OLFM3: variants seen among roughly 807,000 people sequenced by gnomAD.
OLFM3 encodes noelin-3.
In OLFM3, 20 loss-of-function variants were observed where a neutral mutation model predicts 48.6. The ratio of observed to expected loss-of-function variants is 0.41; its 90% CI spans 0.29 to 0.60. The LOEUF (loss-of-function observed/expected upper bound fraction) is 0.60. OLFM3 is among the 20% of genes least tolerant of loss of function. The pLI is 0.28. For missense variants in OLFM3, 437 were observed against 544.3 expected, an observed-to-expected ratio of 0.80 and a Z score of 1.96; for synonymous variants, 222 against 198.1, an observed-to-expected ratio of 1.12 and a Z score of -1.01.
chr1:101,804,106 C>A lies in OLFM3; in HGVS notation c.*132G>T. ...CAAGCTCAGCTATGTTTTTGAAACA[C>A]CAACTTTACAATAAAAATGCTTTGC... On this transcript the variant is annotated 3_prime_UTR_variant, in exon 6 of 6. Coordinates refer to ENST00000370103, the MANE Select transcript of OLFM3 (RefSeq NM_058170.4). The surrounding 1 kb of genome is among the most constrained non-coding windows in gnomAD (Gnocchi z 4.5). 1 of 704,500 alleles carries A rather than the reference C, an allele frequency of 1.4e-6. No homozygotes were observed. The highest frequency in any genetic ancestry group is 2.2e-6 in the Non-Finnish European group (1 of 456,364). 43.6% of individuals were successfully genotyped at this position (704,500 alleles called of 1,614,324 possible). A position where few individuals can be genotyped will look rare whatever the true frequency, so the allele number is the denominator to read the frequency against.
intron 4 of OLFM3, among the ~76,000 whole-genome samples, chr1:101,822,077 G>T (rs113428954): frequency 6.6e-6 from 1 of 152,168 alleles, no homozygotes; most frequent in South Asian, 2.1e-4. Flanking sequence ...GGATGAATGC[G>T]TGCCTACTTA....
intron 1 of OLFM3, among the ~76,000 whole-genome samples, chr1:101,938,015 A>G (rs1659674865): frequency 6.6e-6 from 1 of 152,184 alleles, no homozygotes; most frequent in South Asian, 2.1e-4. Flanking sequence ...GGCATTTAGC[A>G]ATGGCTCAAT....
intron 1 of OLFM3, among the ~76,000 whole-genome samples, chr1:101,903,660 C>T (rs1277180661): frequency 2.6e-5 from 4 of 151,564 alleles, no homozygotes; most frequent in African/African-American, 7.3e-5. Flanking sequence ...TTTACAGATT[C>T]TGCTAAAATC....
intron 4 of OLFM3, among the ~76,000 whole-genome samples, chr1:101,808,105 G>A (rs964322136): frequency 5.4e-5 from 8 of 147,228 alleles, no homozygotes; most frequent in Non-Finnish European, 1.2e-4. Context: ...AAATAGAAGG[G>A]CCTCTCTTTT....
At position 101,944,041 on chromosome 1, in the gene OLFM3, A is replaced by G. The variant is rs188244197; in HGVS notation, c.69+52707T>C. ...ATATATATCCATATCTAGGTTGTAT[A>G]TATTTTTATATATATATATAGTGGG... On this transcript the variant is annotated intron_variant, in intron 1 of 5. Coordinates refer to ENST00000370103, the MANE Select transcript of OLFM3 (RefSeq NM_058170.4). Among the ~76,000 whole-genome samples, 699 of 123,116 alleles carry G rather than the reference A, an allele frequency of 5.7e-3. 9 individuals carry two copies. Among genetic ancestry groups the G allele is most frequent in the African/African-American group, 0.02 (664 of 32,730 alleles). 80.8% of individuals were successfully genotyped at this position (123,116 alleles called of 152,430 possible).
chr1:101,856,342 G>A (rs1259127913), intron 1 of OLFM3, among the ~76,000 whole-genome samples: 1 of 151,920 alleles, frequency 6.6e-6, no homozygotes, highest in African/African-American at 2.4e-5. Context: ...CCACCACATA[G>A]ATGAAGCCAT....
chr1:101,847,120 C>G, intron 1 of OLFM3: 9 of 1,282,342 alleles, frequency 7.0e-6, no homozygotes, highest in Non-Finnish European at 8.0e-6. Context: ...AGCTTCGGAA[C>G]CTCCTTCCCC....
intron 4 of OLFM3, among the ~76,000 whole-genome samples, chr1:101,815,411 C>T (rs892519565): frequency 2.7e-5 from 4 of 148,810 alleles, no homozygotes; most frequent in Non-Finnish European, 4.4e-5. Flanking sequence ...CGCGCCACTG[C>T]ATTCCAGCCT....
intron 1 of OLFM3, among the ~76,000 whole-genome samples, chr1:101,854,252 A>G (rs200657342): frequency 2.6e-5 from 4 of 151,902 alleles, no homozygotes; most frequent in Admixed American, 1.3e-4. Context: ...CCAATTAGGG[A>G]CCATTTGTAG....
intron 1 of OLFM3, chr1:101,893,328 C>T (rs1658076153): frequency 5.3e-6 from 2 of 379,358 alleles, no homozygotes; most frequent in South Asian, 2.5e-5. Context: ...CAGATAGAAC[C>T]CGGAATAGCT....
intron 1 of OLFM3, among the ~76,000 whole-genome samples, chr1:101,957,796 C>A (rs1225671173): frequency 1.3e-5 from 2 of 151,966 alleles, no homozygotes; most frequent in African/African-American, 4.8e-5. Context: ...CAATTCCAAG[C>A]ATCAGATATC....
intron 1 of OLFM3, among the ~76,000 whole-genome samples, chr1:101,982,415 A>G (rs561333988): frequency 2.5e-4 from 38 of 152,360 alleles, no homozygotes; most frequent in African/African-American, 8.9e-4. Context: ...AGATAGGAAT[A>G]TAAAGATAGA....
chr1:101,866,522 T>C (rs1432277638), intron 1 of OLFM3, among the ~76,000 whole-genome samples: 1 of 152,094 alleles, frequency 6.6e-6, no homozygotes, highest in Non-Finnish European at 1.5e-5. Flanking sequence ...TTGTTAAATG[T>C]CAAGGTATAT....
At chr1:101,851,167 C>T (rs1656207988) in intron 1 of OLFM3, among the ~76,000 whole-genome samples, 1 of 152,076 alleles carries the variant, frequency 6.6e-6, no homozygotes, top group Non-Finnish European at 1.5e-5. Context: ...TGACCAGGTA[C>T]ATAAACCGCT....
At chr1:101,939,153 C>A (rs913187385) in intron 1 of OLFM3, among the ~76,000 whole-genome samples, 2 of 152,132 alleles carry the variant, frequency 1.3e-5, no homozygotes, top group African/African-American at 4.8e-5. Flanking sequence ...GTGCTACAGA[C>A]AGGTGAAGAG....
chr1:101,990,007 A>T (rs889318895), intron 1 of OLFM3, among the ~76,000 whole-genome samples: 2 of 152,200 alleles, frequency 1.3e-5, no homozygotes, highest in African/African-American at 4.8e-5. Flanking sequence ...TGGCCATAAA[A>T]AACAGTTTTA....
intron 1 of OLFM3, among the ~76,000 whole-genome samples, chr1:101,856,379 G>A (rs532039770): frequency 2.5e-4 from 38 of 151,942 alleles, no homozygotes; most frequent in African/African-American, 8.0e-4. Context: ...ATTAAATTGC[G>A]CTTTTTGGCT....
intron 1 of OLFM3, among the ~76,000 whole-genome samples, chr1:101,977,179 A>G (rs1198030964): frequency 6.6e-6 from 1 of 152,194 alleles, no homozygotes; most frequent in African/African-American, 2.4e-5. Flanking sequence ...GTAATTAAAT[A>G]AAATGAATTT....
intron 1 of OLFM3, among the ~76,000 whole-genome samples, chr1:101,974,809 G>T (rs1660905389): frequency 6.6e-6 from 1 of 152,050 alleles, no homozygotes; most frequent in African/African-American, 2.4e-5. Flanking sequence ...TACAGTATAA[G>T]CCCCATGTAG....
Sources: allele counts gnomAD v4.1 joint callset (sites outside exome capture counted in the v4.1 genomes callset), GRCh38; gene constraint gnomAD v4.1.1; non-coding constraint Gnocchi (gnomAD v3.1); transcripts MANE v1.5; gene names NCBI Gene and HGNC (gene_info 2026-07-23, HGNC 2026-07-21).